EYS: variants seen among roughly 807,000 people sequenced by gnomAD.
The protein encoded by EYS is protein eyes shut homolog.
In EYS, 250 loss-of-function variants were observed where a neutral mutation model predicts 282.1. The ratio of observed to expected loss-of-function variants is 0.89; its 90% CI spans 0.80 to 0.98. The LOEUF (loss-of-function observed/expected upper bound fraction) is 0.98. Among genes scored for constraint, EYS ranks in the 50% least tolerant of loss-of-function variants. The pLI, the probability that EYS is intolerant of heterozygous loss-of-function variation, is 0.00. For synonymous variants in EYS, 1,355 were observed against 1,282.9 expected, an observed-to-expected ratio of 1.06 and a Z score of -1.20; for missense variants, 4,016 against 3,709.0, an observed-to-expected ratio of 1.08 and a Z score of -2.15.
chr6:63,802,893 T>C (rs965945553), intron 37 of EYS, among the ~76,000 whole-genome samples: 2 of 152,236 alleles, frequency 1.3e-5, no homozygotes, highest in African/African-American at 4.8e-5. Context: ...TTATCTAACC[T>C]TTATTTAACC....
At chr6:64,990,386 T>A (rs1202595397) in intron 14 of EYS, among the ~76,000 whole-genome samples, 2 of 151,608 alleles carry the variant, frequency 1.3e-5, no homozygotes, top group Non-Finnish European at 3.0e-5. Context: ...TTGATTGATT[T>A]CTCAGAAATA....
intron 28 of EYS, among the ~76,000 whole-genome samples, chr6:64,426,289 C>G (rs774318873): frequency 2.6e-5 from 4 of 152,134 alleles, no homozygotes; most frequent in Admixed American, 6.6e-5. Context: ...ACTAACAACA[C>G]TCTTTTTTAT....
chr6:64,311,097 A>T (rs900096651), intron 29 of EYS, among the ~76,000 whole-genome samples: 23 of 152,158 alleles, frequency 1.5e-4, no homozygotes, highest in Non-Finnish European at 2.2e-4. Context: ...TTAACATTTC[A>T]TTTTGTAAAA....
At chr6:64,953,978 G>A (rs1769601651) in intron 14 of EYS, among the ~76,000 whole-genome samples, 1 of 146,548 alleles carries the variant, frequency 6.8e-6, no homozygotes, top group African/African-American at 2.5e-5. Context: ...CTTAGTCATT[G>A]TTCCCATGTG....
intron 5 of EYS, among the ~76,000 whole-genome samples, chr6:65,460,686 C>T (rs753954446): frequency 1.3e-5 from 2 of 152,032 alleles, no homozygotes; most frequent in Non-Finnish European, 2.9e-5. Flanking sequence ...ACATTTATTC[C>T]GGTAATATCT....
At chr6:64,877,935 C>T (rs9363285) in intron 19 of EYS, among the ~76,000 whole-genome samples, 23,568 of 152,050 alleles carry the variant, frequency 0.16, 2,151 homozygotes, top group East Asian at 0.49. Flanking sequence ...GATAAACTTT[C>T]CTTAACAATA....
intron 31 of EYS, among the ~76,000 whole-genome samples, chr6:64,175,613 G>A (rs983083184): frequency 2.0e-5 from 3 of 152,156 alleles, no homozygotes; most frequent in African/African-American, 7.2e-5. Flanking sequence ...GCACATGCCA[G>A]GGCATAAAGA....
intron 12 of EYS, among the ~76,000 whole-genome samples, chr6:65,092,980 C>T (rs1774619601): frequency 6.6e-6 from 1 of 152,074 alleles, no homozygotes; most frequent in South Asian, 2.1e-4. Context: ...TACAAACCCC[C>T]TAATACATTG....
intron 30 of EYS, among the ~76,000 whole-genome samples, chr6:64,234,737 C>A (rs1206295884): frequency 2.5e-4 from 38 of 152,158 alleles, no homozygotes; most frequent in Admixed American, 2.5e-3. Context: ...AACGTTTAAT[C>A]TACATTCTGT....
At chr6:64,111,617 TG>T (rs1462365381) in intron 31 of EYS, among the ~76,000 whole-genome samples, 2 of 152,006 alleles carry the variant, frequency 1.3e-5, no homozygotes, top group African/African-American at 4.8e-5. Context: ...GAGAGAAGGC[TG>T]AGAAAAATGA....
intron 1 of EYS, among the ~76,000 whole-genome samples, chr6:65,697,759 T>C (rs1769507097): frequency 6.6e-6 from 1 of 152,144 alleles, no homozygotes; most frequent in Non-Finnish European, 1.5e-5. Context: ...GAGCATATGT[T>C]AATGAAGACA....
intron 30 of EYS, among the ~76,000 whole-genome samples, chr6:64,251,974 A>G (rs1476159148): frequency 1.3e-5 from 2 of 152,196 alleles, no homozygotes; most frequent in African/African-American, 4.8e-5. Flanking sequence ...CTGAAAAAAC[A>G]GTATGTGAAA....
intron 22 of EYS, among the ~76,000 whole-genome samples, chr6:64,706,307 T>C (rs983919738): frequency 5.3e-5 from 8 of 152,084 alleles, no homozygotes; most frequent in African/African-American, 1.2e-4. Context: ...TCTCACCTTA[T>C]ACAAAAATAA....
chr6:65,552,958 A>C (rs545670887), intron 2 of EYS, among the ~76,000 whole-genome samples: 8 of 152,210 alleles, frequency 5.3e-5, no homozygotes, highest in African/African-American at 1.9e-4. Context: ...AAATATATTC[A>C]CTATCTGTTG....
intron 36 of EYS, among the ~76,000 whole-genome samples, chr6:63,832,045 T>C (rs372527033): frequency 2.0e-4 from 30 of 151,944 alleles, no homozygotes; most frequent in African/African-American, 7.2e-4. Context: ...CATATCAGGA[T>C]CTCTGGGATA....
At chr6:64,479,478 T>C (rs1776371053) in intron 26 of EYS, among the ~76,000 whole-genome samples, 1 of 151,958 alleles carries the variant, frequency 6.6e-6, no homozygotes, top group Admixed American at 6.6e-5. Flanking sequence ...TTACTGTAAA[T>C]GCCAACTGCA....
At chr6:63,755,849 A>G (rs947406586) in intron 41 of EYS, among the ~76,000 whole-genome samples, 5 of 152,154 alleles carry the variant, frequency 3.3e-5, no homozygotes, top group African/African-American at 1.2e-4. Context: ...GGTCCTTCAC[A>G]TCCCTTGTAA....
At chr6:65,073,632 T>C (rs889600262) in intron 12 of EYS, among the ~76,000 whole-genome samples, 4 of 151,712 alleles carry the variant, frequency 2.6e-5, no homozygotes, top group Admixed American at 6.6e-5. Flanking sequence ...ACATTGATTA[T>C]ATTTTTATAT....
At chr6:63,978,872 A>G (rs557785242) in intron 35 of EYS, among the ~76,000 whole-genome samples, 1 of 151,934 alleles carries the variant, frequency 6.6e-6, no homozygotes, top group African/African-American at 2.4e-5. Context: ...CTTTCTACAA[A>G]TGTTAAAAAA....
Sources: allele counts gnomAD v4.1 joint callset (sites outside exome capture counted in the v4.1 genomes callset), GRCh38; gene constraint gnomAD v4.1.1; transcripts MANE v1.5; gene names NCBI Gene and HGNC (gene_info 2026-07-23, HGNC 2026-07-21).